The following UBIAD1 variants were observed in gnomAD, a reference collection of about 807,000 sequenced individuals.
The protein encoded by UBIAD1 is ubiA prenyltransferase domain-containing protein 1.
A neutral mutation model predicts 20.1 loss-of-function variants in UBIAD1; 12 were observed. The observed-to-expected ratio is 0.60, with a 90% CI of 0.38 to 0.97. The LOEUF (loss-of-function observed/expected upper bound fraction) is 0.97. Ranked by LOEUF, UBIAD1 falls within the 50% of genes least tolerant of loss-of-function variation. The probability of loss-of-function intolerance (pLI) is 0.00; values close to 1 mark genes in which losing one functional copy is unlikely to be tolerated. For missense variants in UBIAD1, 333 were observed against 419.5 expected (o/e 0.79, Z 1.80); for synonymous variants, 207 against 189.2 (o/e 1.09, Z -0.77).
chr1:11,295,089 C>A, exon 2 of UBIAD1: 1 of 611,782 alleles, frequency 1.6e-6, no homozygotes, highest in East Asian at 2.8e-5. Context: ...CTCAACTCTT[C>A]GGGTTCAGTG....
intron 1 of UBIAD1, among the ~76,000 whole-genome samples, chr1:11,279,974 A>C (rs1211104851): frequency 6.6e-6 from 1 of 152,192 alleles, no homozygotes; most frequent in East Asian, 1.9e-4. Flanking sequence ...AAGCATCCAG[A>C]GGAGTAAGAG....
chr1:11,286,143 G>T lies in UBIAD1; in HGVS notation c.*12G>T. ...TGCCCAAAATTTAAGGGGACAAGTA[G>T]CTCCCCCCACGACATGTCTCCCTTT... is the stretch of plus-strand genomic sequence containing the variant. On this transcript the variant is annotated 3_prime_UTR_variant, in exon 2 of 2. Transcript: ENST00000376810. 1 of 1,614,144 alleles carries T rather than the reference G, an allele frequency of 6.2e-7. No homozygotes were observed. The highest frequency in any genetic ancestry group is 8.5e-7 in the Non-Finnish European group (1 of 1,180,026).
At chr1:11,283,359 G>C (rs1338344732) in intron 1 of UBIAD1, among the ~76,000 whole-genome samples, 1 of 152,146 alleles carries the variant, frequency 6.6e-6, no homozygotes, top group Non-Finnish European at 1.5e-5. Flanking sequence ...TTCCTGCCCA[G>C]CATCATCTTT....
At chr1:11,292,441 A>G (rs933596379), downstream of UBIAD1, among the ~76,000 whole-genome samples, 3 of 152,168 alleles carry the variant, frequency 2.0e-5, no homozygotes, top group African/African-American at 7.2e-5. Flanking sequence ...GGGTGTGAAG[A>G]GTCGCATCAG....
downstream of UBIAD1, among the ~76,000 whole-genome samples, chr1:11,292,492 C>T (rs1176597889): frequency 6.6e-6 from 1 of 152,078 alleles, no homozygotes; most frequent in Non-Finnish European, 1.5e-5. Context: ...TCTTCCAATC[C>T]TGTGATTCAG....
At position 11,283,137 on chromosome 1, in the gene UBIAD1, C is replaced by T. The variant is rs1010572038; in HGVS notation, c.530-2507C>T. Among the ~76,000 whole-genome samples, 16 of 152,236 alleles carry T rather than the reference C, an allele frequency of 1.1e-4. No individual in the cohort carries two copies. The East Asian group carries it at 3.1e-3, about 29-fold the overall frequency. The stretch of plus-strand genomic sequence containing the variant: ...TCAGCCTCCCAAAGTGCTGGGATTA[C>T]AGGCGTGAGCCACCATACCTGGCCG... On this transcript the variant is annotated intron_variant, in intron 1 of 1. Transcript: ENST00000376810.
exon 2 of UBIAD1, chr1:11,294,924 C>T (rs1638423838): frequency 2.8e-6 from 2 of 717,394 alleles, no homozygotes; most frequent in African/African-American, 1.7e-5. Context: ...AGCCAGTGCT[C>T]AAGCTCCCAG....
rs766147891 is a variant in UBIAD1, at chr1:11,273,672, C to T, written c.141C>T (p.Ala47=). Reference sequence around the variant, plus strand: ...AGCGCTCCTGGAGGCAGAAGTGTGCCTCCTACGTGTTGGCCCTGAGGCCCT... The same window carrying T: ...AGCGCTCCTGGAGGCAGAAGTGTGCTTCCTACGTGTTGGCCCTGAGGCCCT... ...LPQRSWRQKC[A]SYVLALRPWS... The change falls in exon 1 of 2, where the codon GCC becomes GCT. Residue 47 remains alanine, a synonymous_variant. Transcript: ENST00000376810. The surrounding 1 kb of genome is among the most constrained non-coding windows in gnomAD (Gnocchi z 4.9). 6.2e-7 allele frequency: 1 copy of T among 1,614,194 alleles called. No individual in the cohort carries two copies. Among genetic ancestry groups the T allele is most frequent in the Admixed American group, 1.7e-5 (1 of 60,026 alleles).
At chr1:11,276,535 G>A (rs955364277) in intron 1 of UBIAD1, among the ~76,000 whole-genome samples, 5 of 151,888 alleles carry the variant, frequency 3.3e-5, no homozygotes, top group Admixed American at 2.6e-4. Flanking sequence ...GTGGTGGCAT[G>A]TGCCTGTAGT....
chr1:11,293,828 A>G (rs1638404440), intron 1 of UBIAD1, among the ~76,000 whole-genome samples: 1 of 152,150 alleles, frequency 6.6e-6, no homozygotes, highest in Non-Finnish European at 1.5e-5. Flanking sequence ...GGCACCCACC[A>G]CCATGCCCAG....
Position 11,286,128 on chromosome 1 carries a change from T to C in UBIAD1, c.1014T>C (p.Ile338=), listed in dbSNP as rs1365068281. 1.2e-6 allele frequency: 2 copies of C among 1,614,162 alleles called. No homozygotes were observed. Among genetic ancestry groups the C allele is most frequent in the South Asian group, 1.1e-5 (1 of 91,088 alleles). ...ILAPAGSLPK[I] The stretch of plus-strand genomic sequence containing the variant: ...CACCAGCAGGCAGTCTGCCCAAAAT[T>C]TAAGGGGACAAGTAGCTCCCCCCAC... Residue 338 remains isoleucine (I), a synonymous_variant, in exon 2 of 2, where the codon ATT becomes ATC. Coordinates refer to ENST00000376810, the MANE Select transcript of UBIAD1 (RefSeq NM_013319.3).
Position 11,285,846 on chromosome 1 carries a change from T to C in UBIAD1, c.732T>C (p.Gly244=). The stretch of plus-strand genomic sequence containing the variant: ...ACATGGAGTCCGACCGGGAGGCTGG[T>C]ATCGTCACGCTGGCCATCCTCATCG... ...TRDMESDREA[G]IVTLAILIGP... Residue 244 remains glycine, a synonymous_variant, in exon 2 of 2, where the codon GGT becomes GGC. Transcript: ENST00000376810. This position sits in a 1 kb window ranked among gnomAD's most constrained non-coding sequence, Gnocchi z 4.4. The C allele has an allele frequency of 1.2e-6, 2 of 1,614,160 alleles. No individual in the cohort carries two copies. The highest frequency in any genetic ancestry group is 1.7e-6 in the Non-Finnish European group (2 of 1,180,026).
chr1:11,277,947 GT>G (rs952021532), intron 1 of UBIAD1, among the ~76,000 whole-genome samples: 1 of 151,778 alleles, frequency 6.6e-6, no homozygotes, highest in African/African-American at 2.4e-5. Context: ...CCTGGCCTCT[GT>G]TTTCTTTTTC....
At chr1:11,279,708 G>A (rs1242112508) in intron 1 of UBIAD1, among the ~76,000 whole-genome samples, 1 of 152,240 alleles carries the variant, frequency 6.6e-6, no homozygotes, top group South Asian at 2.1e-4. Flanking sequence ...GAGCCACTGC[G>A]CCTGGCCAAC....
At position 11,273,227 on chromosome 1, in the gene UBIAD1, C is replaced by G. The variant is rs906849076; in HGVS notation, c.-305C>G. On this transcript the variant is annotated 5_prime_UTR_variant, in exon 1 of 2. Coordinates refer to ENST00000376810, the MANE Select transcript of UBIAD1 (RefSeq NM_013319.3). The surrounding 1 kb of genome is among the most constrained non-coding windows in gnomAD (Gnocchi z 4.9). ...CCGGGCGGGCCTCCAGAGGCCGGCG[C>G]ACAAGATGGCGGCTCTGGCGGCCTA... 5.1e-6 allele frequency: 2 copies of G among 390,394 alleles called. No individual in the cohort carries two copies. Among genetic ancestry groups the G allele is most frequent in the Middle Eastern group, 7.7e-4 (1 of 1,296 alleles). 24.2% of individuals were successfully genotyped at this position (390,394 alleles called of 1,614,324 possible).
At chr1:11,291,606 CAAAAAAA>C (rs771883369), downstream of UBIAD1, among the ~76,000 whole-genome samples, 2 of 56,384 alleles carry the variant, frequency 3.5e-5, no homozygotes, top group Non-Finnish European at 8.0e-5. Flanking sequence ...GACTTCATCT[CAAAAAAA>C]AAAAAAAAAA....
chr1:11,299,303 C>CA (rs1638495906), downstream of UBIAD1, among the ~76,000 whole-genome samples: 1 of 152,220 alleles, frequency 6.6e-6, no homozygotes, highest in African/African-American at 2.4e-5. Context: ...GTGCTTTTCT[C>CA]ACGCTGGCCT....
downstream of UBIAD1, among the ~76,000 whole-genome samples, chr1:11,291,679 G>A (rs528348138): frequency 6.6e-6 from 1 of 151,844 alleles, no homozygotes; most frequent in East Asian, 1.9e-4. Flanking sequence ...CTATATGCAT[G>A]TGTGTGCACG....
Position 11,286,347 on chromosome 1 carries a change from A to G in UBIAD1, c.*216A>G, listed in dbSNP as rs937511923. 4.7e-6 allele frequency: 3 copies of G among 634,616 alleles called. No homozygotes were observed. Among genetic ancestry groups the G allele is most frequent in the Admixed American group, 3.0e-5 (1 of 33,720 alleles). The allele number at this position is 634,616 out of a possible 1,614,324, so 39.3% of individuals were successfully genotyped here. On this transcript the variant is annotated 3_prime_UTR_variant, in exon 2 of 2. Transcript: ENST00000376810. Reference sequence around the variant, plus strand: ...TGGGGAATTTAAAAACCATTCTTGTATCAGAAGGTGAATTAGGCGCATGGT... The same window carrying G: ...TGGGGAATTTAAAAACCATTCTTGTGTCAGAAGGTGAATTAGGCGCATGGT...
Sources: allele counts gnomAD v4.1 joint callset (sites outside exome capture counted in the v4.1 genomes callset), GRCh38; gene constraint gnomAD v4.1.1; non-coding constraint Gnocchi (gnomAD v3.1); transcripts MANE v1.5; gene names NCBI Gene and HGNC (gene_info 2026-07-23, HGNC 2026-07-21).